Variants in MICAL1 observed in about 807,000 individuals in gnomAD.
MICAL1 encodes the protein microtubule associated monooxygenase, calponin and LIM domain containing 1, also known as [F-actin]-monooxygenase MICAL1.
Under a neutral mutation model 131.8 loss-of-function variants are expected in MICAL1, and 95 were observed. The observed-to-expected ratio is 0.72, with a 90% CI of 0.61 to 0.86. MICAL1 has a LOEUF of 0.86. Among genes scored for constraint, MICAL1 ranks in the 40% least tolerant of loss-of-function variants. The pLI, the probability that MICAL1 is intolerant of heterozygous loss-of-function variation, is 0.00. For synonymous variants in MICAL1, 546 were observed against 554.2 expected (o/e 0.99, Z 0.21); for missense variants, 1,292 against 1,380.6 (o/e 0.94, Z 1.02).
rs561703943 is a variant in MICAL1 at position 109,448,185 on chromosome 6, GCCTTT to G, written c.1855+13_1855+17del. On this transcript the variant is annotated intron_variant, in intron 13 of 24. Coordinates refer to ENST00000358807, the MANE Select transcript of MICAL1 (RefSeq NM_022765.4). ...CCTCCCCATCCCAGTTATCCTGCCC[GCCTTT>G]CCTTCAGGTCACCTGGGCTGTGGGC... 2.8e-3 allele frequency: 4,365 copies of G among 1,546,662 alleles called. 37 individuals carry two copies. The highest frequency in any genetic ancestry group is 2.0e-3 in the Non-Finnish European group (2,337 of 1,149,388).
chr6:109,448,307 G>A lies in MICAL1; in HGVS notation c.1751C>T (p.Pro584Leu), dbSNP rs773448261. Reference protein sequence around the residue: ...KVAENELGITPVVSAQAVVAG... With the variant: ...KVAENELGITLVVSAQAVVAG... ...TACCACGGCCTGTGCAGACACCACC[G>A]GTGTGATGCCCAGCTCATTCTCTGC... The change falls in exon 13 of 25, where the codon CCG (proline) becomes CTG (leucine). Residue 584 changes from proline (P) to leucine (L), a missense_variant. Transcript: ENST00000358807. The A allele has an allele frequency of 2.0e-5, 32 of 1,613,870 alleles. No homozygotes were observed. Among genetic ancestry groups the A allele is most frequent in the Middle Eastern group, 1.6e-4 (1 of 6,082 alleles).
chr6:109,445,983 A>T, intron 19 of MICAL1, 121 bp from the exon 20 acceptor site: 1 of 1,494,368 alleles, frequency 6.7e-7, no homozygotes, highest in East Asian at 2.4e-5. Flanking sequence ...GTGTTGGGGC[A>T]TGGGAGGAAC....
intron 23 of MICAL1, 40 bp from the exon 24 acceptor site, chr6:109,444,838 G>A: frequency 1.2e-6 from 2 of 1,614,102 alleles, no homozygotes; most frequent in East Asian, 2.2e-5. Flanking sequence ...GCTGTCTAAG[G>A]TGCCCAAGGG....
rs200052023 is a variant in MICAL1, at chr6:109,453,818, C to T, written c.286G>A (p.Gly96Arg). Reference protein sequence around the residue: ...KCLVVGAGPCGLRVAVELALL... With the variant: ...KCLVVGAGPCRLRVAVELALL... The stretch of plus-strand genomic sequence containing the variant: ...GCCAGCTCCACAGCGACCCGCAGCC[C>T]GCAAGGTCCAGCACCCACCACCAGG... Residue 96 changes from glycine to arginine, a missense_variant, in exon 3 of 25, where the codon GGG becomes AGG. Transcript: ENST00000358807. 312 of 1,613,570 alleles carry T rather than the reference C, an allele frequency of 1.9e-4. 1 individual carries two copies. The highest frequency in any genetic ancestry group is 1.6e-3 in the East Asian group (71 of 44,892).
intron 20 of MICAL1, 112 bp downstream of exon 20, chr6:109,445,659 A>G: frequency 6.7e-7 from 1 of 1,503,376 alleles, no homozygotes; most frequent in Non-Finnish European, 9.1e-7. Context: ...GAGGCCAGAG[A>G]TATGACAGGC....
At chr6:109,456,508 G>A (rs1334746318), upstream of MICAL1, among the ~76,000 whole-genome samples, 1 of 152,186 alleles carries the variant, frequency 6.6e-6, no homozygotes, top group African/African-American at 2.4e-5. Flanking sequence ...AGAGGGAAGG[G>A]GATGGCGGGG....
In MICAL1 at chr6:109,447,131, G is replaced by A. The variant is rs200912478; in HGVS notation, c.2169C>T (p.Arg723=). Residue 723 remains arginine, a synonymous_variant, in exon 17 of 25, where the codon CGC becomes CGT. Transcript: ENST00000358807. ...ACAGTGTGGCCTCACAGGTATGGCA[G>A]CGGAAGCAGCTCCGGTGGAAGAAAT... ...NGHFFHRSCF[R]CHTCEATLWP... 3.1e-6 allele frequency: 5 copies of A among 1,614,062 alleles called. No individual in the cohort carries two copies. The highest frequency in any genetic ancestry group is 1.7e-5 in the Admixed American group (1 of 60,010).
At chr6:109,456,051 G>T (rs1775736698), upstream of MICAL1, 5 of 984,940 alleles carry the variant, frequency 5.1e-6, no homozygotes, top group Non-Finnish European at 6.0e-6. Context: ...TTCCGCTCTG[G>T]GGCCTCTGGG....
At chr6:109,461,412 G>T (rs1775885386) in intron 1 of MICAL1, among the ~76,000 whole-genome samples, 1 of 151,990 alleles carries the variant, frequency 6.6e-6, no homozygotes, top group Admixed American at 6.6e-5. Flanking sequence ...CTGAATTTCT[G>T]TAGACCGTAA....
At chr6:109,457,362 A>G (rs926893879), upstream of MICAL1, among the ~76,000 whole-genome samples, 5 of 151,928 alleles carry the variant, frequency 3.3e-5, no homozygotes, top group Non-Finnish European at 7.4e-5. Context: ...AAAACGTTCT[A>G]AAGTCCACTA....
chr6:109,445,600 G>T, intron 20 of MICAL1, 71 bp from the exon 21 acceptor site: 1 of 1,580,216 alleles, frequency 6.3e-7, no homozygotes, highest in Non-Finnish European at 8.7e-7. Flanking sequence ...GTTTGGAAAG[G>T]CAGAAAATAA....
At position 109,444,224 on chromosome 6, in the gene MICAL1, G is replaced by C. The variant is rs145926073; in HGVS notation, c.3171C>G (p.Ser1057Arg). 2 of 1,613,398 alleles carry C rather than the reference G, an allele frequency of 1.2e-6. No individual in the cohort carries two copies. The highest frequency in any genetic ancestry group is 2.7e-5 in the African/African-American group (2 of 74,912). Residue 1057 changes from serine to arginine, a missense_variant, in exon 25 of 25, where the codon AGC becomes AGG. Physicochemically the swap from Ser to Arg is moderately radical, Grantham distance 110 (BLOSUM62 -1). Transcript: ENST00000358807. ...GGGCCCCTGTCCCCAAGGCCAGCTC[G>C]CTGAGCCTGCGCTCCTCCTGGAAGC... ...LIRFQEERRL[S>R]ELALGTGAQG
At position 109,444,790 on chromosome 6, in the gene MICAL1, TC is replaced by T; in HGVS notation, c.2989del (p.Glu997AsnfsTer2). 1.1e-5 allele frequency: 18 copies of T among 1,614,154 alleles called. No homozygotes were observed. The highest frequency in any genetic ancestry group is 1.4e-5 in the Non-Finnish European group (16 of 1,180,006). ...CCACTGTTTCTCCTCCAGATTCAAT[TC>T]CTGCACCCTGTGGAGGTCAGGGATT... is the stretch of plus-strand genomic sequence containing the variant. Reference protein sequence around the residue: ...EEAELMITVQELNLEEKQWQL... With the variant: ...EEAELMITVQXLNLEEKQWQL... On this transcript the variant is annotated frameshift_variant, in exon 24 of 25. Coordinates refer to ENST00000358807, the MANE Select transcript of MICAL1 (RefSeq NM_022765.4). LOFTEE classifies it high-confidence loss of function.
rs747532169 is a variant in MICAL1, at chr6:109,445,308, G to A, written c.2788-18C>T. 6.2e-7 allele frequency: 1 copy of A among 1,613,974 alleles called. No homozygotes were observed. The highest frequency in any genetic ancestry group is 1.1e-5 in the South Asian group (1 of 91,088). On this transcript the variant is annotated intron_variant, in intron 21 of 24. Transcript: ENST00000358807. ...TGGATGGTCTGAGGGGTACAAGACAGAATATCCAGGAGTCTCTAGGTTGCT... is the reference window on the plus strand; with the variant it reads ...TGGATGGTCTGAGGGGTACAAGACAAAATATCCAGGAGTCTCTAGGTTGCT...
chr6:109,445,705 G>C, intron 20 of MICAL1, 66 bp downstream of exon 20: 2 of 1,555,638 alleles, frequency 1.3e-6, no homozygotes, highest in Admixed American at 3.8e-5. Flanking sequence ...GGGTGCAGTG[G>C]ACCAGTGCAG....
At chr6:109,446,521 CTG>C in intron 18 of MICAL1, 109 bp from the exon 19 acceptor site, 3 of 1,462,414 alleles carry the variant, frequency 2.1e-6, no homozygotes, top group Non-Finnish European at 2.8e-6. Flanking sequence ...CAGTGTCTGG[CTG>C]TGTTTTAGAT....
At chr6:109,458,383 G>C (rs1185263138), upstream of MICAL1, among the ~76,000 whole-genome samples, 1 of 152,110 alleles carries the variant, frequency 6.6e-6, no homozygotes, top group Non-Finnish European at 1.5e-5. Context: ...ATCACCTGAG[G>C]TCGGGAGTTC....
chr6:109,453,174 A>C, intron 4 of MICAL1, 89 bp downstream of exon 4: 1 of 1,055,918 alleles, frequency 9.5e-7, no homozygotes, highest in Non-Finnish European at 1.4e-6. Flanking sequence ...CAAAAACAGA[A>C]AAGGACACTC....
chr6:109,451,935 C>A, intron 6 of MICAL1: 1 of 1,388,246 alleles, frequency 7.2e-7, no homozygotes, highest in Non-Finnish European at 9.3e-7. Context: ...ATTTGGGAGA[C>A]CTGCACCACC....
Sources: allele counts gnomAD v4.1 joint callset (sites outside exome capture counted in the v4.1 genomes callset), GRCh38; gene constraint gnomAD v4.1.1; transcripts MANE v1.5; gene names NCBI Gene and HGNC (gene_info 2026-07-23, HGNC 2026-07-21).